TPST1: variants seen among roughly 807,000 people sequenced by gnomAD.
The protein encoded by TPST1 is tyrosylprotein sulfotransferase 1, also known as protein-tyrosine sulfotransferase 1.
In TPST1, 20 loss-of-function variants were observed where a neutral mutation model predicts 34.8. The ratio of observed to expected loss-of-function variants is 0.57; its 90% CI spans 0.40 to 0.84. TPST1 has a LOEUF of 0.84. Among genes scored for constraint, TPST1 ranks in the 40% least tolerant of loss-of-function variants. TPST1 has a pLI of 0.00. For synonymous variants in TPST1, 152 were observed against 159.4 expected (o/e 0.95, Z 0.35); for missense variants, 353 against 455.5 (o/e 0.78, Z 2.05).
intron 3 of TPST1, among the ~76,000 whole-genome samples, chr7:66,305,888 G>T (rs570922313): frequency 2.8e-4 from 43 of 152,214 alleles, no homozygotes; most frequent in Non-Finnish European, 5.1e-4. Context: ...AAATTTGTTG[G>T]CAGGAAGCTG....
chr7:66,350,922 T>A (rs1044410448), intron 3 of TPST1, among the ~76,000 whole-genome samples: 5 of 145,548 alleles, frequency 3.4e-5, no homozygotes, highest in Non-Finnish European at 7.8e-5. Context: ...AACCACTGAC[T>A]TAATTCATTT....
At chr7:66,281,071 G>T (rs1480816548) in intron 2 of TPST1, among the ~76,000 whole-genome samples, 1 of 152,098 alleles carries the variant, frequency 6.6e-6, no homozygotes, top group Non-Finnish European at 1.5e-5. Context: ...CATTTTCTGT[G>T]TCTATCGAGA....
chr7:66,202,433 T>A (rs564343933), upstream of TPST1, among the ~76,000 whole-genome samples: 127 of 152,328 alleles, frequency 8.3e-4, 1 homozygote, highest in South Asian at 0.012. Flanking sequence ...CATCTAGAAT[T>A]CGTTCTCACA....
At chr7:66,302,843 A>C (rs567520247) in intron 3 of TPST1, among the ~76,000 whole-genome samples, 1 of 152,348 alleles carries the variant, frequency 6.6e-6, no homozygotes, top group East Asian at 1.9e-4. Context: ...GCTGCATTCA[A>C]ACCAGGTTGG....
chr7:66,304,607 C>G (rs1004942153), intron 3 of TPST1, among the ~76,000 whole-genome samples: 5 of 152,200 alleles, frequency 3.3e-5, no homozygotes, highest in Non-Finnish European at 5.9e-5. Flanking sequence ...CCATATTTAA[C>G]TGCCAGATAA....
At chr7:66,225,105 C>T (rs1226791205) in intron 1 of TPST1, among the ~76,000 whole-genome samples, 7 of 150,490 alleles carry the variant, frequency 4.7e-5, no homozygotes, top group South Asian at 4.2e-4. Context: ...TTAGTAGAGA[C>T]GGGGTTTCGC....
At chr7:66,215,131 T>G (rs183215443) in intron 1 of TPST1, among the ~76,000 whole-genome samples, 2,819 of 148,990 alleles carry the variant, frequency 0.019, 64 homozygotes, top group East Asian at 0.092. Flanking sequence ...CTTGGCTCAC[T>G]GCAACCTCCG....
Position 66,219,587 on chromosome 7 carries a change from A to C in TPST1, c.-102+14065A>C, listed in dbSNP as rs183903106. On this transcript the variant is annotated intron_variant, in intron 1 of 5. Coordinates refer to ENST00000304842, the MANE Select transcript of TPST1 (RefSeq NM_003596.4). ...TCTTCTGTCATTCTAATTAGATCTG[A>C]GGTGGTCATGATAGGACAATTCTGG... Among the ~76,000 whole-genome samples the C allele has an allele frequency of 7.8e-4, 119 of 152,318 alleles. 1 individual carries two copies. In the South Asian group the frequency reaches 0.012, roughly 16 times the overall value.
At chr7:66,341,410 T>G (rs553565125) in intron 3 of TPST1, among the ~76,000 whole-genome samples, 1 of 152,252 alleles carries the variant, frequency 6.6e-6, no homozygotes, top group East Asian at 1.9e-4. Flanking sequence ...CCCAAGTAGC[T>G]GGGATTGCAG....
intron 1 of TPST1, among the ~76,000 whole-genome samples, chr7:66,221,291 A>C (rs1464679731): frequency 1.3e-5 from 2 of 152,140 alleles, no homozygotes; most frequent in South Asian, 4.1e-4. Flanking sequence ...CAGGGAAAAA[A>C]ATTGAGGGAA....
intron 2 of TPST1, among the ~76,000 whole-genome samples, chr7:66,255,521 T>A (rs1375660019): frequency 6.6e-6 from 1 of 152,164 alleles, no homozygotes; most frequent in African/African-American, 2.4e-5. Context: ...TCCCCCAACT[T>A]CTGCTGAATT....
At chr7:66,199,294 CTTTTT>C in the TPST1 span, among the ~76,000 whole-genome samples, 1 of 125,878 alleles carries the variant, frequency 7.9e-6, no homozygotes, top group Non-Finnish European at 1.6e-5. Flanking sequence ...TCATCTCCTT[CTTTTT>C]TTTTTTTTTT....
chr7:66,349,522 A>C (rs930249092), intron 3 of TPST1, among the ~76,000 whole-genome samples: 1 of 152,174 alleles, frequency 6.6e-6, no homozygotes, highest in East Asian at 1.9e-4. Flanking sequence ...TGGTGAGCCA[A>C]GATTGCGCCA....
In TPST1 at chr7:66,205,627, T is replaced by G. The variant is rs1311082808; in HGVS notation, c.-102+105T>G. On this transcript the variant is annotated intron_variant, in intron 1 of 5. Coordinates refer to ENST00000304842, the MANE Select transcript of TPST1 (RefSeq NM_003596.4). This position sits in a 1 kb window ranked among gnomAD's most constrained non-coding sequence, Gnocchi z 5.0. Reference sequence around the variant, plus strand: ...CCCTTGGCCCCTTGTCGCCTTCTGCTCGGTGCCTCCCGGTTGTCCAACCCC... The same window carrying G: ...CCCTTGGCCCCTTGTCGCCTTCTGCGCGGTGCCTCCCGGTTGTCCAACCCC... 2 of 152,806 alleles carry G rather than the reference T, an allele frequency of 1.3e-5. No homozygotes were observed. The highest frequency in any genetic ancestry group is 4.8e-5 in the African/African-American group (2 of 41,444). The allele number at this position is 152,806 out of a possible 1,614,324, so 9.5% of individuals were successfully genotyped here.
At chr7:66,314,352 T>G (rs781395274) in intron 3 of TPST1, among the ~76,000 whole-genome samples, 1 of 152,040 alleles carries the variant, frequency 6.6e-6, no homozygotes, top group African/African-American at 2.4e-5. Flanking sequence ...CTGGGCAACA[T>G]AGGGAGACCC....
chr7:66,284,508 T>C (rs1790993272), intron 2 of TPST1, among the ~76,000 whole-genome samples: 1 of 151,532 alleles, frequency 6.6e-6, no homozygotes, highest in African/African-American at 2.4e-5. Flanking sequence ...GACTCCTTTC[T>C]CTTTTTCTTC....
intron 3 of TPST1, among the ~76,000 whole-genome samples, chr7:66,322,890 CCACAGCT>C (rs1193152875): frequency 1.3e-5 from 2 of 150,596 alleles, no homozygotes; most frequent in Non-Finnish European, 3.0e-5. Context: ...TTCCAGTTTT[CCACAGCT>C]CACCAACACT....
chr7:66,306,472 T>C (rs1477125208), intron 3 of TPST1, among the ~76,000 whole-genome samples: 1 of 152,192 alleles, frequency 6.6e-6, no homozygotes, highest in Non-Finnish European at 1.5e-5. Flanking sequence ...CCTGTCTTTC[T>C]TTGGCTCCTT....
intron 2 of TPST1, among the ~76,000 whole-genome samples, chr7:66,280,811 A>C (rs937133402): frequency 2.8e-4 from 42 of 152,184 alleles, no homozygotes; most frequent in African/African-American, 7.2e-5. Flanking sequence ...TGATGCTGAA[A>C]TTGCTCTTAT....
Sources: gnomAD v4.1 joint callset for allele counts (sites outside exome capture counted in the v4.1 genomes callset) on GRCh38, gnomAD v4.1.1 for gene constraint, Gnocchi (gnomAD v3.1) non-coding constraint, MANE v1.5 for transcripts, NCBI Gene and HGNC (gene_info 2026-07-23, HGNC 2026-07-21) for gene names.